The following GLIPR1L1 variants were observed in gnomAD, a reference collection of about 807,000 sequenced individuals.
The protein encoded by GLIPR1L1 is GLIPR1-like protein 1.
In GLIPR1L1, 26 loss-of-function variants were observed where a neutral mutation model predicts 29.9. The observed-to-expected ratio is 0.87, with a 90% CI of 0.64 to 1.21. GLIPR1L1 has a LOEUF of 1.21. Ranked by LOEUF, GLIPR1L1 falls within the 50% of genes most tolerant of loss-of-function variation. The probability of loss-of-function intolerance (pLI) is 0.00; values close to 1 mark genes in which losing one functional copy is unlikely to be tolerated. For missense variants in GLIPR1L1, 305 were observed against 290.3 expected, an observed-to-expected ratio of 1.05 and a Z score of -0.37; for synonymous variants, 77 against 97.5, an observed-to-expected ratio of 0.79 and a Z score of 1.24.
chr12:75,351,543 TTG>T (rs1471530143), intron 3 of GLIPR1L1, among the ~76,000 whole-genome samples: 216 of 150,464 alleles, frequency 1.4e-3, no homozygotes, highest in African/African-American at 5.0e-3. Context: ...ACACTCTGTT[TTG>T]TTTTGTTTTT....
Position 75,370,072 on chromosome 12 carries a change from T to G in GLIPR1L1, c.638-13T>G. The G allele has an allele frequency of 6.4e-7, 1 of 1,556,008 alleles. No individual in the cohort carries two copies. Among genetic ancestry groups the G allele is most frequent in the Non-Finnish European group, 8.8e-7 (1 of 1,132,656 alleles). ...ACTCTTAACTATTCTGGTTTTGTTT[T>G]TGTTTTTGACAGAAAATCCATTTCT... On this transcript the variant is annotated splice_polypyrimidine_tract_variant and intron_variant, in intron 5 of 5. Transcript: ENST00000378695.
chr12:75,369,836 T>C (rs2044241332), intron 4 of GLIPR1L1, 124 bp from the exon 5 acceptor site: 1 of 1,327,734 alleles, frequency 7.5e-7, no homozygotes. Context: ...AGTTTCATTT[T>C]CTTGTTAAAA....
At chr12:75,335,057 C>T (rs1196278349) in intron 1 of GLIPR1L1, among the ~76,000 whole-genome samples, 155 bp downstream of exon 1, 2 of 152,176 alleles carry the variant, frequency 1.3e-5, no homozygotes, top group African/African-American at 2.4e-5. Context: ...GGGCTGTCTC[C>T]TCCAGAGTCA....
intron 4 of GLIPR1L1, among the ~76,000 whole-genome samples, chr12:75,368,090 C>T (rs752223761): frequency 2.0e-5 from 3 of 151,560 alleles, no homozygotes; most frequent in Admixed American, 6.6e-5. Flanking sequence ...CTGTATCAAA[C>T]GGTTTCTAAT....
intron 1 of GLIPR1L1, among the ~76,000 whole-genome samples, chr12:75,335,531 C>A (rs928276891): frequency 2.0e-5 from 3 of 152,050 alleles, no homozygotes; most frequent in African/African-American, 4.8e-5. Flanking sequence ...TGAGCATAAA[C>A]GTTGATAGTA....
chr12:75,338,555 G>A (rs7978312), intron 1 of GLIPR1L1, among the ~76,000 whole-genome samples: 43,154 of 151,368 alleles, frequency 0.29, 7,614 homozygotes, highest in East Asian at 0.45. Flanking sequence ...AATAGTTTTG[G>A]GGAAACAGGT....
rs1181402088 is a variant in GLIPR1L1 at position 75,351,547 on chromosome 12, TTTG to T, written c.521+3828_521+3830del. Among the ~76,000 whole-genome samples the T allele has an allele frequency of 1.7e-4, 25 of 146,866 alleles. 1 individual carries two copies. The highest frequency in any genetic ancestry group is 3.0e-4 in the Non-Finnish European group (20 of 67,562). ...AACAATATTTAACACTCTGTTTTGT[TTTG>T]TTTTTTTTTTTTTTGAGATGGAGTC... is the stretch of plus-strand genomic sequence containing the variant. On this transcript the variant is annotated intron_variant, in intron 3 of 5. Coordinates refer to ENST00000378695, the MANE Select transcript of GLIPR1L1 (RefSeq NM_001304964.2).
chr12:75,366,720 T>C, intron 4 of GLIPR1L1: 1 of 588,810 alleles, frequency 1.7e-6, no homozygotes, highest in South Asian at 2.0e-5. Context: ...TGTGTGCTGA[T>C]TTTGGGTGAG....
intron 1 of GLIPR1L1, 31 bp from the exon 2 acceptor site, chr12:75,343,662 C>T (rs1165974047): frequency 1.3e-5 from 20 of 1,516,844 alleles, no homozygotes; most frequent in African/African-American, 2.8e-5. Flanking sequence ...TACTTATGCA[C>T]AATTCAATTT....
chr12:75,341,444 T>A (rs938753913), intron 1 of GLIPR1L1, among the ~76,000 whole-genome samples: 7 of 151,650 alleles, frequency 4.6e-5, no homozygotes, highest in Admixed American at 1.3e-4. Flanking sequence ...ACATTCTTTT[T>A]TTCTTTTTCT....
At chr12:75,365,372 G>C (rs2043896323) in intron 4 of GLIPR1L1, 1 of 152,020 alleles carries the variant, frequency 6.6e-6, no homozygotes, top group Admixed American at 6.6e-5. Flanking sequence ...AACAGAAAAA[G>C]GAAACTATTC....
intron 1 of GLIPR1L1, among the ~76,000 whole-genome samples, chr12:75,337,754 A>G (rs1356581956): frequency 1.3e-5 from 2 of 152,030 alleles, no homozygotes; most frequent in African/African-American, 2.4e-5. Flanking sequence ...TTATAAAGTA[A>G]CATTAAATCC....
intron 3 of GLIPR1L1, among the ~76,000 whole-genome samples, chr12:75,358,754 ATATAT>A (rs1476036120): frequency 2.8e-5 from 4 of 143,924 alleles, no homozygotes; most frequent in East Asian, 2.0e-4. Flanking sequence ...AATATATATA[ATATAT>A]TATATATGTT....
intron 3 of GLIPR1L1, among the ~76,000 whole-genome samples, chr12:75,358,141 G>T (rs550526585): frequency 6.6e-6 from 1 of 151,166 alleles, no homozygotes; most frequent in South Asian, 2.1e-4. Context: ...GAGAACATAG[G>T]TGATAACACT....
At position 75,370,286 on chromosome 12, in the gene GLIPR1L1, C is replaced by T; in HGVS notation, c.*110C>T. Reference sequence around the variant, plus strand: ...CTTTACTGAATCTTCTACACTCTTGCCTGATACCTAAATTTAATGTTTGTT... The same window carrying T: ...CTTTACTGAATCTTCTACACTCTTGTCTGATACCTAAATTTAATGTTTGTT... On this transcript the variant is annotated 3_prime_UTR_variant, in exon 6 of 6. Coordinates refer to ENST00000378695, the MANE Select transcript of GLIPR1L1 (RefSeq NM_001304964.2). 1 of 594,572 alleles carries T rather than the reference C, an allele frequency of 1.7e-6. No individual in the cohort carries two copies. Among genetic ancestry groups the T allele is most frequent in the Non-Finnish European group, 3.0e-6 (1 of 335,638 alleles). The allele number at this position is 594,572 out of a possible 1,614,324, so 36.8% of individuals were successfully genotyped here.
At chr12:75,355,317 G>A (rs1438164595) in intron 3 of GLIPR1L1, among the ~76,000 whole-genome samples, 1 of 152,152 alleles carries the variant, frequency 6.6e-6, no homozygotes, top group African/African-American at 2.4e-5. Flanking sequence ...CAAAAGACAT[G>A]AACAGACACT....
At chr12:75,369,401 A>T (rs999704090) in intron 4 of GLIPR1L1, 45 of 464,358 alleles carry the variant, frequency 9.7e-5, no homozygotes, top group Non-Finnish European at 1.2e-4. Flanking sequence ...GCTGGTAACC[A>T]TTATATCCAA....
chr12:75,370,057 A>G (rs750745297), intron 5 of GLIPR1L1, 28 bp from the exon 6 acceptor site: 47 of 1,423,914 alleles, frequency 3.3e-5, no homozygotes, highest in Non-Finnish European at 4.5e-5. Context: ...ACTCTTAACT[A>G]TTCTGGTTTT....
intron 3 of GLIPR1L1, among the ~76,000 whole-genome samples, chr12:75,361,548 C>T (rs2043592696): frequency 6.6e-6 from 1 of 152,174 alleles, no homozygotes; most frequent in African/African-American, 2.4e-5. Flanking sequence ...CCAAGCTGTA[C>T]CTCAGCCTGT....
Sources: allele counts gnomAD v4.1 joint callset (sites outside exome capture counted in the v4.1 genomes callset), GRCh38; gene constraint gnomAD v4.1.1; transcripts MANE v1.5; gene names NCBI Gene and HGNC (gene_info 2026-07-23, HGNC 2026-07-21).